Variants in OXR1 observed in about 807,000 individuals in gnomAD.
OXR1 encodes oxidation resistance protein 1.
In OXR1, 41 loss-of-function variants were observed where a neutral mutation model predicts 104.6. The ratio of observed to expected loss-of-function variants is 0.39; its 90% CI spans 0.31 to 0.51. The LOEUF (loss-of-function observed/expected upper bound fraction) is 0.51. Ranked by LOEUF, OXR1 falls within the 20% of genes least tolerant of loss-of-function variation. OXR1 has a pLI of 0.77. For missense variants in OXR1, 955 were observed against 1,031.9 expected, an observed-to-expected ratio of 0.93 and a Z score of 1.02; for synonymous variants, 348 against 348.4, an observed-to-expected ratio of 1.00 and a Z score of 0.01.
chr8:106,726,360 G>A, intron 11 of OXR1: 1 of 915,748 alleles, frequency 1.1e-6, no homozygotes, highest in South Asian at 1.7e-5. Flanking sequence ...TCTTTTCATG[G>A]TGACATTATG....
At chr8:106,436,429 A>G (rs1819571732) in intron 2 of OXR1, among the ~76,000 whole-genome samples, 1 of 152,038 alleles carries the variant, frequency 6.6e-6, no homozygotes, top group Non-Finnish European at 1.5e-5. Flanking sequence ...AAATCCAAAT[A>G]GCCACCACTG....
intron 2 of OXR1, among the ~76,000 whole-genome samples, chr8:106,455,314 T>C (rs1352664312): frequency 6.6e-6 from 1 of 152,188 alleles, no homozygotes; most frequent in African/African-American, 2.4e-5. Context: ...GATTGAACAA[T>C]CTATTTGATA....
At chr8:106,550,827 C>A (rs140749730) in intron 3 of OXR1, among the ~76,000 whole-genome samples, 3 of 152,084 alleles carry the variant, frequency 2.0e-5, no homozygotes, top group Admixed American at 2.0e-4. Context: ...GTCTTTATAG[C>A]AGTGTGAAAA....
chr8:106,688,629 A>C lies in OXR1; in HGVS notation c.526-4099A>C, dbSNP rs1287308866. On this transcript the variant is annotated intron_variant, in intron 6 of 16. Transcript: ENST00000517566. ...TTACTGTGTTCATTTCAGAATTTTA[A>C]TCTTTAACACTTTAATAACATTTTA... 2.6e-5 allele frequency among the ~76,000 whole-genome samples: 4 copies of C among 152,072 alleles called. No individual in the cohort carries two copies. The East Asian group carries it at 5.8e-4, about 22-fold the overall frequency.
intron 3 of OXR1, among the ~76,000 whole-genome samples, chr8:106,524,482 G>A (rs907042943): frequency 6.6e-6 from 1 of 152,154 alleles, no homozygotes; most frequent in African/African-American, 2.4e-5. Flanking sequence ...TTTCTATATG[G>A]AGGACTTTTG....
intron 3 of OXR1, among the ~76,000 whole-genome samples, chr8:106,673,038 A>G (rs141310927): frequency 2.0e-5 from 3 of 152,310 alleles, no homozygotes; most frequent in African/African-American, 7.2e-5. Context: ...GGGTACTGCT[A>G]TAAAGATACC....
chr8:106,413,680 G>C (rs7836182), intron 2 of OXR1, among the ~76,000 whole-genome samples: 26 of 151,168 alleles, frequency 1.7e-4, no homozygotes, highest in Non-Finnish European at 3.2e-4. Context: ...TTATCCTATT[G>C]TAAGTAAAGA....
At chr8:106,314,835 A>G (rs558475176) in intron 1 of OXR1, among the ~76,000 whole-genome samples, 1 of 152,266 alleles carries the variant, frequency 6.6e-6, no homozygotes, top group African/African-American at 2.4e-5. Flanking sequence ...AAATAATGGG[A>G]TTTTATCTGC....
chr8:106,487,692 G>A (rs1810781780), intron 2 of OXR1, among the ~76,000 whole-genome samples: 2 of 149,770 alleles, frequency 1.3e-5, no homozygotes, highest in Non-Finnish European at 3.0e-5. Context: ...TTGTTCTTGC[G>A]ATAGTTTACT....
Position 106,285,968 on chromosome 8 carries a change from A to C in OXR1, c.-139+15601A>C, listed in dbSNP as rs76224567. On this transcript the variant is annotated intron_variant, in intron 1 of 16. Transcript: ENST00000517566. ...CCTTTGTGGACTGCCCTCGCCCCGT[A>C]ACCACCTTTTTCAGTCCTGTGGTAG... 4.2e-4 allele frequency among the ~76,000 whole-genome samples: 36 copies of C among 84,828 alleles called. No individual in the cohort carries two copies. In the East Asian group the frequency reaches 0.016, roughly 38 times the overall value. 55.7% of individuals were successfully genotyped at this position (84,828 alleles called of 152,430 possible).
At chr8:106,711,171 AAATT>A (rs2131397057) in intron 10 of OXR1, among the ~76,000 whole-genome samples, 1 of 152,112 alleles carries the variant, frequency 6.6e-6, no homozygotes, top group East Asian at 1.9e-4. Context: ...ACGTGACACT[AAATT>A]AGCTACTAAA....
At chr8:106,334,709 TC>T (rs918546182) in intron 1 of OXR1, among the ~76,000 whole-genome samples, 5 of 152,172 alleles carry the variant, frequency 3.3e-5, no homozygotes, top group Non-Finnish European at 5.9e-5. Context: ...ATTGCATGCT[TC>T]CCCTTCTCCT....
At chr8:106,663,656 G>A (rs78812373) in intron 3 of OXR1, among the ~76,000 whole-genome samples, 2,340 of 152,274 alleles carry the variant, frequency 0.015, 35 homozygotes, top group Admixed American at 0.047. Context: ...AGCAGCAAGC[G>A]AGCCAGCATT....
At chr8:106,699,152 G>A (rs551718177) in intron 7 of OXR1, among the ~76,000 whole-genome samples, 9 of 152,238 alleles carry the variant, frequency 5.9e-5, no homozygotes, top group Non-Finnish European at 1.2e-4. Flanking sequence ...AGTATTCTGA[G>A]GCTTTGTAAA....
intron 3 of OXR1, among the ~76,000 whole-genome samples, chr8:106,572,100 T>C (rs1468623020): frequency 6.6e-6 from 1 of 152,244 alleles, no homozygotes; most frequent in African/African-American, 2.4e-5. Context: ...CTGCCTGTGA[T>C]GGGAGTGGCA....
chr8:106,720,673 C>T, intron 11 of OXR1: 1 of 939,278 alleles, frequency 1.1e-6, no homozygotes, highest in Non-Finnish European at 1.3e-6. Flanking sequence ...CCTTACATAC[C>T]ACAGGACTTC....
chr8:106,606,609 G>A (rs1820419309), intron 3 of OXR1, among the ~76,000 whole-genome samples: 1 of 151,830 alleles, frequency 6.6e-6, no homozygotes, highest in Non-Finnish European at 1.5e-5. Context: ...ACTGCACCTG[G>A]CCACTATGAT....
At chr8:106,563,075 A>G (rs1317984029) in intron 3 of OXR1, among the ~76,000 whole-genome samples, 1 of 152,212 alleles carries the variant, frequency 6.6e-6, no homozygotes, top group African/African-American at 2.4e-5. Flanking sequence ...AATGGGCAAA[A>G]TAACCAGCTA....
intron 9 of OXR1, among the ~76,000 whole-genome samples, chr8:106,709,392 T>G (rs1178947939): frequency 6.6e-6 from 1 of 152,126 alleles, no homozygotes; most frequent in Non-Finnish European, 1.5e-5. Context: ...CGATCTGTAT[T>G]GTTAAGACAT....
Sources: gnomAD v4.1 joint callset for allele counts (sites outside exome capture counted in the v4.1 genomes callset) on GRCh38, gnomAD v4.1.1 for gene constraint, MANE v1.5 for transcripts, NCBI Gene and HGNC (gene_info 2026-07-23, HGNC 2026-07-21) for gene names.